TYW1B: variants seen among roughly 807,000 people sequenced by gnomAD.
The protein encoded by TYW1B is tRNA-yW synthesizing protein 1 homolog B, also known as S-adenosyl-L-methionine-dependent tRNA 4-demethylwyosine synthase TYW1B.
A neutral mutation model predicts 86.9 loss-of-function variants in TYW1B; 73 were observed. The observed-to-expected ratio is 0.84, with a 90% CI of 0.70 to 1.02. The LOEUF is 1.02. Ranked by LOEUF, TYW1B falls within the 50% of genes least tolerant of loss-of-function variation. TYW1B has a pLI of 0.00. For synonymous variants in TYW1B, 248 were observed against 292.8 expected, an observed-to-expected ratio of 0.85 and a Z score of 1.56; for missense variants, 637 against 827.4, an observed-to-expected ratio of 0.77 and a Z score of 2.82.
chr7:72,639,736 C>T (rs774969283), intron 11 of TYW1B, among the ~76,000 whole-genome samples: 1 of 151,874 alleles, frequency 6.6e-6, no homozygotes, highest in African/African-American at 2.4e-5. Flanking sequence ...CGTGGTGGCA[C>T]GCACCTGTAA....
chr7:72,729,300 C>T (rs1341386212), intron 8 of TYW1B, among the ~76,000 whole-genome samples: 4 of 152,148 alleles, frequency 2.6e-5, no homozygotes, highest in African/African-American at 4.8e-5. Flanking sequence ...TGAGTGAGGA[C>T]AGCTGGAACA....
At chr7:72,748,753 G>A (rs536093013) in intron 7 of TYW1B, among the ~76,000 whole-genome samples, 1 of 151,570 alleles carries the variant, frequency 6.6e-6, no homozygotes, top group South Asian at 2.1e-4. Flanking sequence ...TTTAAATGTT[G>A]AACCTGCCTT....
At chr7:72,731,302 T>C (rs1787102120) in intron 8 of TYW1B, among the ~76,000 whole-genome samples, 3 of 143,200 alleles carry the variant, frequency 2.1e-5, no homozygotes, top group African/African-American at 5.2e-5. Context: ...CATGAAAATA[T>C]GCAAAAGTAT....
At chr7:72,649,520 C>T (rs1813010585) in intron 11 of TYW1B, among the ~76,000 whole-genome samples, 1 of 152,096 alleles carries the variant, frequency 6.6e-6, no homozygotes, top group African/African-American at 2.4e-5. Context: ...CTTGGATGTC[C>T]GAGGATACTG....
intron 10 of TYW1B, among the ~76,000 whole-genome samples, chr7:72,711,491 T>TTTC (rs2129570681): frequency 7.5e-6 from 1 of 134,008 alleles, no homozygotes; most frequent in East Asian, 2.2e-4. Context: ...TTTTTTTTTT[T>TTTC]TTTTTTTTTG....
intron 13 of TYW1B, among the ~76,000 whole-genome samples, chr7:72,607,771 T>C (rs539627622): frequency 6.6e-6 from 1 of 151,862 alleles, no homozygotes; most frequent in African/African-American, 2.4e-5. Flanking sequence ...AGAAATAAGA[T>C]GAGGCTGAAA....
intron 6 of TYW1B, among the ~76,000 whole-genome samples, chr7:72,780,609 C>T (rs1397386659): frequency 1.3e-5 from 2 of 152,100 alleles, no homozygotes; most frequent in African/African-American, 2.4e-5. Context: ...CTCCAAAGGA[C>T]GGCCATGGAA....
chr7:72,587,577 C>A (rs1349913532), intron 13 of TYW1B, among the ~76,000 whole-genome samples: 18 of 152,076 alleles, frequency 1.2e-4, no homozygotes, highest in African/African-American at 4.3e-4. Context: ...GTTTATCAAG[C>A]TGGGTGGTGC....
chr7:72,731,804 T>C (rs561980563), intron 8 of TYW1B, among the ~76,000 whole-genome samples: 1 of 152,168 alleles, frequency 6.6e-6, no homozygotes, highest in Non-Finnish European at 1.5e-5. Context: ...TAGCCAGGCG[T>C]GGTGGTGGGC....
At chr7:72,758,010 G>A (rs1787621683) in intron 7 of TYW1B, among the ~76,000 whole-genome samples, 1 of 152,178 alleles carries the variant, frequency 6.6e-6, no homozygotes, top group Non-Finnish European at 1.5e-5. Context: ...TTGAGGTCAG[G>A]AGTTCAAGAC....
At chr7:72,626,294 G>A (rs1554438811) in intron 12 of TYW1B, among the ~76,000 whole-genome samples, 1 of 146,686 alleles carries the variant, frequency 6.8e-6, no homozygotes, top group African/African-American at 2.6e-5. Context: ...ATATGACACA[G>A]ACAGGGTTCA....
At chr7:72,692,036 T>C (rs1381081309) in intron 11 of TYW1B, among the ~76,000 whole-genome samples, 1 of 151,150 alleles carries the variant, frequency 6.6e-6, no homozygotes, top group African/African-American at 2.4e-5. Flanking sequence ...TGAAACCCCA[T>C]CTCTACTAAA....
At chr7:72,575,904 C>A (rs562179383) in intron 13 of TYW1B, among the ~76,000 whole-genome samples, 185 bp from the exon 14 acceptor site, 1 of 152,186 alleles carries the variant, frequency 6.6e-6, no homozygotes, top group African/African-American at 2.4e-5. Flanking sequence ...AAGCAAGATG[C>A]GCTACAATCA....
At chr7:72,816,724 A>G (rs1788730375) in intron 2 of TYW1B, among the ~76,000 whole-genome samples, 1 of 152,192 alleles carries the variant, frequency 6.6e-6, no homozygotes, top group Non-Finnish European at 1.5e-5. Context: ...ACCAAGGCCA[A>G]TGATTTAATC....
intron 7 of TYW1B, among the ~76,000 whole-genome samples, chr7:72,745,384 C>T (rs1378788153): frequency 1.3e-5 from 2 of 152,094 alleles, no homozygotes; most frequent in African/African-American, 4.8e-5. Context: ...ACAAGAAATA[C>T]ATTATTCCCA....
At chr7:72,821,492 T>G (rs371687861) in intron 2 of TYW1B, among the ~76,000 whole-genome samples, 17 of 152,264 alleles carry the variant, frequency 1.1e-4, no homozygotes, top group African/African-American at 4.1e-4. Flanking sequence ...TAAAAATCTT[T>G]GCCTTCCTTT....
intron 10 of TYW1B, among the ~76,000 whole-genome samples, chr7:72,702,231 A>G (rs1554452706): frequency 1.3e-5 from 2 of 152,278 alleles, no homozygotes; most frequent in Non-Finnish European, 2.9e-5. Context: ...TCAAATAAAG[A>G]CAACCCCTGT....
intron 10 of TYW1B, among the ~76,000 whole-genome samples, chr7:72,706,431 C>CAAAA (rs59124514): frequency 2.3e-4 from 15 of 64,480 alleles, no homozygotes; most frequent in African/African-American, 8.6e-4. Context: ...CCTCCATCTC[C>CAAAA]AAAAAAAAAA....
At chr7:72,673,149 A>G (rs1389257408) in intron 11 of TYW1B, among the ~76,000 whole-genome samples, 3 of 152,256 alleles carry the variant, frequency 2.0e-5, no homozygotes, top group African/African-American at 7.2e-5. Context: ...CCTGGGCGAC[A>G]GAGCAAGACT....
Sources: allele counts gnomAD v4.1 joint callset (sites outside exome capture counted in the v4.1 genomes callset), GRCh38; gene constraint gnomAD v4.1.1; transcripts MANE v1.5; gene names NCBI Gene and HGNC (gene_info 2026-07-23, HGNC 2026-07-21).